GPC5: variants seen among roughly 807,000 people sequenced by gnomAD.
The protein encoded by GPC5 is glypican 5.
Under a neutral mutation model 53.9 loss-of-function variants are expected in GPC5, and 47 were observed. The ratio of observed to expected loss-of-function variants is 0.87; its 90% CI spans 0.69 to 1.11. GPC5 has a LOEUF of 1.11. Ranked by LOEUF, GPC5 falls within the 50% of genes most tolerant of loss-of-function variation. The probability of loss-of-function intolerance (pLI) is 0.00; values close to 1 mark genes in which losing one functional copy is unlikely to be tolerated. For missense variants in GPC5, 748 were observed against 713.1 expected, an observed-to-expected ratio of 1.05 and a Z score of -0.56; for synonymous variants, 286 against 263.3, an observed-to-expected ratio of 1.09 and a Z score of -0.84.
intron 2 of GPC5, among the ~76,000 whole-genome samples, chr13:91,537,132 C>T (rs1886628170): frequency 6.6e-6 from 1 of 152,064 alleles, no homozygotes. Context: ...AACCTCCCAC[C>T]TTAAGAAAAA....
chr13:91,483,722 T>C (rs1226084542), intron 2 of GPC5, among the ~76,000 whole-genome samples: 2 of 152,218 alleles, frequency 1.3e-5, no homozygotes, highest in Non-Finnish European at 2.9e-5. Flanking sequence ...TATTATGAAA[T>C]AATACACAGT....
intron 7 of GPC5, among the ~76,000 whole-genome samples, chr13:92,400,818 T>C (rs550495695): frequency 2.0e-5 from 3 of 152,340 alleles, no homozygotes; most frequent in South Asian, 4.1e-4. Context: ...GATTCATGTT[T>C]CCTTTCTACA....
At chr13:91,416,930 G>A (rs750094960) in intron 1 of GPC5, among the ~76,000 whole-genome samples, 15 of 152,058 alleles carry the variant, frequency 9.9e-5, no homozygotes, top group African/African-American at 3.1e-4. Flanking sequence ...GTTTATTTTC[G>A]TTGGGAAAAT....
At chr13:91,445,673 C>A (rs1437100750) in intron 1 of GPC5, among the ~76,000 whole-genome samples, 1 of 152,084 alleles carries the variant, frequency 6.6e-6, no homozygotes, top group Non-Finnish European at 1.5e-5. Context: ...TGGGGTTTTG[C>A]CATGTTGGCC....
intron 7 of GPC5, among the ~76,000 whole-genome samples, chr13:92,690,692 G>T (rs1488966812): frequency 7.4e-6 from 1 of 135,674 alleles, no homozygotes; most frequent in Non-Finnish European, 1.6e-5. Flanking sequence ...CCCCATCTTT[G>T]TGGTTTTATC....
intron 2 of GPC5, among the ~76,000 whole-genome samples, chr13:91,602,177 C>T (rs932968048): frequency 6.6e-6 from 1 of 152,234 alleles, no homozygotes; most frequent in Non-Finnish European, 1.5e-5. Context: ...GTGTGTCCAG[C>T]ACCGTTCCGG....
intron 7 of GPC5, among the ~76,000 whole-genome samples, chr13:92,323,306 C>CAACGTATATATATACAACATACATATAT (rs1386400574): frequency 6.7e-6 from 1 of 149,190 alleles, no homozygotes; most frequent in African/African-American, 2.4e-5. Context: ...CATACATATA[C>CAACGTATATATATACAACATACATATAT]AACGTATATA....
intron 2 of GPC5, among the ~76,000 whole-genome samples, chr13:91,631,738 G>A (rs1371177615): frequency 6.6e-6 from 1 of 151,926 alleles, no homozygotes; most frequent in Non-Finnish European, 1.5e-5. Context: ...GACTCAAGGA[G>A]GAACCAAAGA....
intron 7 of GPC5, among the ~76,000 whole-genome samples, chr13:92,711,743 A>G (rs2139270506): frequency 6.6e-6 from 1 of 152,242 alleles, no homozygotes; most frequent in African/African-American, 2.4e-5. Flanking sequence ...CATGTTCTCA[A>G]ACCACAATGG....
intron 7 of GPC5, among the ~76,000 whole-genome samples, chr13:92,512,834 G>A (rs76670397): frequency 6.6e-6 from 1 of 152,268 alleles, no homozygotes; most frequent in African/African-American, 2.4e-5. Flanking sequence ...TATAGCTTCT[G>A]GCTCTGCAAG....
chr13:92,039,134 G>C lies in GPC5; in HGVS notation c.1402-105696G>C, dbSNP rs1045655875. On this transcript the variant is annotated intron_variant, in intron 6 of 7. Transcript: ENST00000377067. The stretch of plus-strand genomic sequence containing the variant: ...GACTGCAGTGGGTTTGGGAGAGAAA[G>C]ACAAGAGGAGCATTGGAGCCTGTGG... Among the ~76,000 whole-genome samples, 43 of 152,296 alleles carry C rather than the reference G, an allele frequency of 2.8e-4. 1 individual carries two copies. Among genetic ancestry groups the C allele is most frequent in the South Asian group, 8.3e-4 (4 of 4,832 alleles).
At chr13:91,608,332 C>A (rs1359108711) in intron 2 of GPC5, among the ~76,000 whole-genome samples, 1 of 152,116 alleles carries the variant, frequency 6.6e-6, no homozygotes, top group Non-Finnish European at 1.5e-5. Flanking sequence ...CTTACAAGTG[C>A]TAGGGCTGGA....
At chr13:91,833,378 C>T (rs1219852029) in intron 5 of GPC5, among the ~76,000 whole-genome samples, 2 of 152,076 alleles carry the variant, frequency 1.3e-5, no homozygotes, top group Non-Finnish European at 2.9e-5. Flanking sequence ...GGGAATCCTC[C>T]CTAAGTCATT....
chr13:92,192,251 G>A lies in GPC5; in HGVS notation c.1561+47262G>A, dbSNP rs376263428. On this transcript the variant is annotated intron_variant, in intron 7 of 7. Transcript: ENST00000377067. Reference sequence around the variant, plus strand: ...AATTGATACTTTGGATGATAATGATGTGTCAATGTTGGTTCATTTATTAAA... The same window carrying A: ...AATTGATACTTTGGATGATAATGATATGTCAATGTTGGTTCATTTATTAAA... Among the ~76,000 whole-genome samples the A allele has an allele frequency of 2.0e-5, 3 of 152,276 alleles. No homozygotes were observed. In the East Asian group the frequency reaches 5.8e-4, roughly 29 times the overall value.
intron 7 of GPC5, among the ~76,000 whole-genome samples, chr13:92,148,504 A>G (rs1219716902): frequency 2.0e-5 from 3 of 152,098 alleles, no homozygotes; most frequent in African/African-American, 7.2e-5. Context: ...ATGTTTCTCA[A>G]AGAAAGAAGC....
intron 7 of GPC5, among the ~76,000 whole-genome samples, chr13:92,594,232 A>G (rs1363015227): frequency 1.3e-5 from 2 of 152,104 alleles, no homozygotes; most frequent in African/African-American, 2.4e-5. Context: ...GGGTTGATTG[A>G]AGGTATTTTA....
chr13:92,247,458 G>A (rs982000345), intron 7 of GPC5, among the ~76,000 whole-genome samples: 1 of 152,100 alleles, frequency 6.6e-6, no homozygotes, highest in African/African-American at 2.4e-5. Flanking sequence ...ATTCTTTAAT[G>A]CTGTTTAGGT....
chr13:92,623,901 C>T (rs1382780073), intron 7 of GPC5, among the ~76,000 whole-genome samples: 1 of 152,018 alleles, frequency 6.6e-6, no homozygotes, highest in African/African-American at 2.4e-5. Context: ...CTTGCCCAGG[C>T]CGGAGTGCAG....
chr13:91,460,320 A>G (rs1034934978), intron 2 of GPC5, among the ~76,000 whole-genome samples: 2 of 149,496 alleles, frequency 1.3e-5, no homozygotes, highest in African/African-American at 4.9e-5. Context: ...TGGTGGGGGG[A>G]CAGAGTCTTA....
Sources: allele counts gnomAD v4.1 joint callset (sites outside exome capture counted in the v4.1 genomes callset), GRCh38; gene constraint gnomAD v4.1.1; transcripts MANE v1.5; gene names NCBI Gene and HGNC (gene_info 2026-07-23, HGNC 2026-07-21).